GPR137: variants seen among roughly 807,000 people sequenced by gnomAD.
GPR137 encodes integral membrane protein GPR137.
In GPR137, 20 loss-of-function variants were observed where a neutral mutation model predicts 38.9. The ratio of observed to expected loss-of-function variants is 0.51; its 90% CI spans 0.36 to 0.75. GPR137 has a LOEUF of 0.75. Among genes scored for constraint, GPR137 ranks in the 30% least tolerant of loss-of-function variants. The pLI, the probability that GPR137 is intolerant of heterozygous loss-of-function variation, is 0.00. For missense variants in GPR137, 456 were observed against 526.4 expected, an observed-to-expected ratio of 0.87 and a Z score of 1.31; for synonymous variants, 226 against 235.8, an observed-to-expected ratio of 0.96 and a Z score of 0.38.
chr11:64,273,505 C>T (rs188874162), upstream of GPR137, among the ~76,000 whole-genome samples: 3 of 152,254 alleles, frequency 2.0e-5, no homozygotes, highest in Admixed American at 1.3e-4. Flanking sequence ...CAACTCCTGC[C>T]AACTCCACTC....
upstream of GPR137, chr11:64,284,782 TC>T: frequency 6.5e-7 from 1 of 1,528,028 alleles, no homozygotes; most frequent in Non-Finnish European, 8.7e-7. Flanking sequence ...AGAGGCGGGG[TC>T]AACCCGGCCC....
At chr11:64,284,974 C>G, upstream of GPR137, 1 of 1,371,408 alleles carries the variant, frequency 7.3e-7, no homozygotes, top group Admixed American at 3.2e-5. Flanking sequence ...GTCCTTCAGC[C>G]CCTCTGGGCC....
chr11:64,289,481 G>C lies in GPR137; in HGVS notation c.*285G>C. ...CTGTGCCTGCCACTCAATAAACAGT[G>C]TCTGCGCCCCACAGTTGTGCACCTG... On this transcript the variant is annotated 3_prime_UTR_variant, in exon 7 of 7. Transcript: ENST00000438980. 3 of 1,455,882 alleles carry C rather than the reference G, an allele frequency of 2.1e-6. No homozygotes were observed. The African/African-American group carries it at 4.3e-5, about 21-fold the overall frequency. 90.2% of individuals were successfully genotyped at this position (1,455,882 alleles called of 1,614,324 possible).
chr11:64,275,105 A>C (rs1488740815), upstream of GPR137, among the ~76,000 whole-genome samples: 1 of 151,802 alleles, frequency 6.6e-6, no homozygotes, highest in Non-Finnish European at 1.5e-5. Flanking sequence ...AGCATCACCA[A>C]AGCCCAGAGC....
At chr11:64,276,652 C>G in intron 2 of GPR137, 1 of 455,352 alleles carries the variant, frequency 2.2e-6, no homozygotes, top group Non-Finnish European at 3.9e-6. Flanking sequence ...AAAAAGTGTT[C>G]TATTTACAGG....
chr11:64,286,046 T>G lies in GPR137; in HGVS notation c.-479T>G. ...GCAGAGGCCCTCCCCATCCGCATTA[T>G]TGGAGGAGAGAGAGCCTCCCCCAGC... On this transcript the variant is annotated 5_prime_UTR_variant, in exon 1 of 7. Coordinates refer to ENST00000438980, the MANE Select transcript of GPR137 (RefSeq NM_001170880.2). The G allele has an allele frequency of 1.0e-6, 1 of 987,184 alleles. No homozygotes were observed. The allele number at this position is 987,184 out of a possible 1,614,324, so 61.2% of individuals were successfully genotyped here. A position where few individuals can be genotyped will look rare whatever the true frequency, so the allele number is the denominator to read the frequency against.
chr11:64,288,687 T>C lies in GPR137; in HGVS notation c.997T>C (p.Cys333Arg), dbSNP rs1047369258. The change falls in exon 6 of 7, where the codon TGC (cysteine) becomes CGC (arginine). Residue 333 changes from cysteine to arginine, a missense_variant. Physicochemically the swap from Cys to Arg is radical, Grantham distance 180. Coordinates refer to ENST00000438980, the MANE Select transcript of GPR137 (RefSeq NM_001170880.2). The surrounding 1 kb of genome is among the most constrained non-coding windows in gnomAD (Gnocchi z 5.5). ...GGCTGGGCACTGTGAAGATGAGGGC[T>C]GCTCCTGGGAGCACAGCCGGGGTGA... ...DRAGHCEDEG[C>R]SWEHSRGEST... is the part of the protein sequence containing the mutation. 2 of 1,585,542 alleles carry C rather than the reference T, an allele frequency of 1.3e-6. No homozygotes were observed. Among genetic ancestry groups the C allele is most frequent in the Admixed American group, 1.8e-5 (1 of 55,804 alleles).
chr11:64,272,586 G>GTT (rs1209867126), upstream of GPR137: 1 of 152,230 alleles, frequency 6.6e-6, no homozygotes, highest in Non-Finnish European at 1.5e-5. Flanking sequence ...AACTGTTGAC[G>GTT]TTTTTAGGTA....
rs371687548 is a variant in GPR137, at chr11:64,286,563, G to A, written c.39G>A (p.Gly13=). 5 of 1,613,246 alleles carry A rather than the reference G, an allele frequency of 3.1e-6. No individual in the cohort carries two copies. The African/African-American group carries it at 4.0e-5, about 13-fold the overall frequency. The change falls in exon 1 of 7, where the codon GGG becomes GGA. Residue 13 remains glycine, a synonymous_variant. Coordinates refer to ENST00000438980, the MANE Select transcript of GPR137 (RefSeq NM_001170880.2). ...SNLSGLVPAA[G]LVPALPPAVT... is the part of the protein sequence containing the mutation. The stretch of plus-strand genomic sequence containing the variant: ...TGTCTGGCCTGGTGCCTGCTGCCGG[G>A]CTGGTGCCTGCGCTGCCACCTGCTG...
rs112059337 is a variant in GPR137 at position 64,287,265 on chromosome 11, G to C, written c.407+251G>C. 3.9e-5 allele frequency: 38 copies of C among 985,266 alleles called. No individual in the cohort carries two copies. The Middle Eastern group carries it at 2.1e-3, about 54-fold the overall frequency. The allele number at this position is 985,266 out of a possible 1,614,324, so 61.0% of individuals were successfully genotyped here. On this transcript the variant is annotated intron_variant, in intron 2 of 6. Coordinates refer to ENST00000438980, the MANE Select transcript of GPR137 (RefSeq NM_001170880.2). ...CCCAGTGTCATCCACCATGGAGGGC[G>C]AGCTGGAGGCTCCAGCCCATGGAAG...
At chr11:64,277,535 G>A (rs890093252) in intron 2 of GPR137, among the ~76,000 whole-genome samples, 7 of 152,156 alleles carry the variant, frequency 4.6e-5, no homozygotes, top group Non-Finnish European at 8.8e-5. Flanking sequence ...AATCCTAGGC[G>A]CAATCGATCT....
At chr11:64,282,242 G>C (rs536479617), upstream of GPR137, among the ~76,000 whole-genome samples, 9 of 152,248 alleles carry the variant, frequency 5.9e-5, no homozygotes, top group South Asian at 4.2e-4. Context: ...GAGTGTGTGT[G>C]GGGGGCAGAG....
upstream of GPR137, among the ~76,000 whole-genome samples, chr11:64,273,163 G>A (rs2032768484): frequency 6.6e-6 from 1 of 152,050 alleles, no homozygotes; most frequent in Non-Finnish European, 1.5e-5. Context: ...GAGGTCAGAA[G>A]TTCGAGACCA....
upstream of GPR137, among the ~76,000 whole-genome samples, chr11:64,282,741 T>G (rs979459323): frequency 6.6e-6 from 1 of 151,764 alleles, no homozygotes; most frequent in African/African-American, 2.4e-5. Flanking sequence ...TAGCCCGGCA[T>G]GGTGACACGC....
chr11:64,286,928 A>C (rs1182231551), intron 1 of GPR137, 37 bp from the exon 2 acceptor site: 1 of 1,613,500 alleles, frequency 6.2e-7, no homozygotes, highest in Non-Finnish European at 8.5e-7. Flanking sequence ...GGCAAGCCTC[A>C]AGGACCCACA....
chr11:64,277,062 A>C (rs1351739027), intron 2 of GPR137: 3 of 706,342 alleles, frequency 4.2e-6, no homozygotes, highest in Non-Finnish European at 7.9e-6. Context: ...TAGATGAGGA[A>C]ACAGAGGCAC....
chr11:64,275,470 TC>T (rs1438320819), upstream of GPR137, among the ~76,000 whole-genome samples: 1 of 151,942 alleles, frequency 6.6e-6, no homozygotes, highest in Non-Finnish European at 1.5e-5. Flanking sequence ...TGGGGGCAGT[TC>T]CCCATCTGCC....
At chr11:64,282,250 G>A (rs911298105), upstream of GPR137, among the ~76,000 whole-genome samples, 7 of 152,300 alleles carry the variant, frequency 4.6e-5, no homozygotes, top group Admixed American at 3.3e-4. Flanking sequence ...GTGGGGGGCA[G>A]AGAGCAGGGG....
In GPR137 at chr11:64,286,500, CG is replaced by C; in HGVS notation, c.-22del. The C allele has an allele frequency of 6.3e-7, 1 of 1,591,516 alleles. No individual in the cohort carries two copies. Among genetic ancestry groups the C allele is most frequent in the African/African-American group, 1.3e-5 (1 of 74,622 alleles). On this transcript the variant is annotated 5_prime_UTR_variant, in exon 1 of 7. Transcript: ENST00000438980. ...CCGACAGTCCCTCCTTGTCTGTCTC[CG>C]GGATTCAGGCCTCCCTCCCTGACAT...
Sources: gnomAD v4.1 joint callset for allele counts (sites outside exome capture counted in the v4.1 genomes callset) on GRCh38, gnomAD v4.1.1 for gene constraint, Gnocchi (gnomAD v3.1) non-coding constraint, MANE v1.5 for transcripts, NCBI Gene and HGNC (gene_info 2026-07-23, HGNC 2026-07-21) for gene names.